Variants in INPP4B observed in about 807,000 individuals in gnomAD.
INPP4B encodes inositol polyphosphate-4-phosphatase type II B.
In INPP4B, 55 loss-of-function variants were observed where a neutral mutation model predicts 122.5. The observed-to-expected ratio is 0.45, with a 90% confidence interval of 0.36 to 0.56. The LOEUF is 0.56. Ranked by LOEUF, INPP4B falls within the 20% of genes least tolerant of loss-of-function variation. The probability of loss-of-function intolerance (pLI) is 0.00; values close to 1 mark genes in which losing one functional copy is unlikely to be tolerated. For synonymous variants in INPP4B, 403 were observed against 388.7 expected, an observed-to-expected ratio of 1.04 and a Z score of -0.43; for missense variants, 1,000 against 1,097.7, an observed-to-expected ratio of 0.91 and a Z score of 1.26.
chr4:142,314,141 C>T (rs1189394879), intron 8 of INPP4B, among the ~76,000 whole-genome samples: 1 of 152,136 alleles, frequency 6.6e-6, no homozygotes, highest in Non-Finnish European at 1.5e-5. Context: ...TTAGGAGCTG[C>T]CACCGCCTAC....
intron 1 of INPP4B, among the ~76,000 whole-genome samples, chr4:142,732,331 T>C (rs568630858): frequency 6.6e-6 from 1 of 152,006 alleles, no homozygotes; most frequent in South Asian, 2.1e-4. Context: ...AATATTATTA[T>C]TCAATTAATA....
chr4:142,618,680 T>C (rs553291321), intron 2 of INPP4B, among the ~76,000 whole-genome samples: 196 of 152,224 alleles, frequency 1.3e-3, no homozygotes, highest in Non-Finnish European at 2.4e-3. Context: ...TTGACAATGA[T>C]TTCTTGCATA....
chr4:142,461,404 C>T (rs550856924), intron 3 of INPP4B, among the ~76,000 whole-genome samples: 1 of 152,048 alleles, frequency 6.6e-6, no homozygotes, highest in African/African-American at 2.4e-5. Flanking sequence ...TTAAGAAAAC[C>T]AGTATTACTA....
intron 2 of INPP4B, among the ~76,000 whole-genome samples, chr4:142,514,807 T>A (rs1273235196): frequency 6.9e-6 from 1 of 144,562 alleles, no homozygotes; most frequent in Non-Finnish European, 1.5e-5. Context: ...TTTTTTTTTT[T>A]TTTTTTGAGA....
At position 142,378,422 on chromosome 4, in the gene INPP4B, T is replaced by G. The variant is rs201340739; in HGVS notation, c.372+24516A>C. On this transcript the variant is annotated intron_variant, in intron 7 of 25. Coordinates refer to ENST00000262992, the MANE Select transcript of INPP4B (RefSeq NM_001101669.3). ...TTTTCAAGTGCCTCTTACAGTCTAT[T>G]GTAATAGCTCATATCCAGTTTGGTA... 9.8e-5 allele frequency among the ~76,000 whole-genome samples: 15 copies of G among 152,296 alleles called. No individual in the cohort carries two copies. In the East Asian group the frequency reaches 2.5e-3, roughly 26 times the overall value.
intron 2 of INPP4B, among the ~76,000 whole-genome samples, chr4:142,620,724 A>C (rs1019448257): frequency 6.6e-6 from 1 of 151,732 alleles, no homozygotes; most frequent in Non-Finnish European, 1.5e-5. Context: ...ATAGAATTTT[A>C]CAACTATTTA....
intron 2 of INPP4B, among the ~76,000 whole-genome samples, chr4:142,623,614 A>G (rs564157990): frequency 6.6e-6 from 1 of 151,608 alleles, no homozygotes; most frequent in African/African-American, 2.4e-5. Context: ...CATGCGCACA[A>G]TGTGCAGGTT....
chr4:142,105,720 T>C (rs1561133321), intron 23 of INPP4B, among the ~76,000 whole-genome samples: 1 of 152,172 alleles, frequency 6.6e-6, no homozygotes, highest in East Asian at 1.9e-4. Context: ...AGTAAATTAA[T>C]AGTCAGCACA....
At chr4:142,363,567 G>A (rs990425641) in intron 7 of INPP4B, among the ~76,000 whole-genome samples, 1 of 151,926 alleles carries the variant, frequency 6.6e-6, no homozygotes, top group African/African-American at 2.4e-5. Context: ...TTTAGATATG[G>A]AAGTATTTGT....
intron 7 of INPP4B, among the ~76,000 whole-genome samples, chr4:142,372,456 CTTGAT>C (rs1170290365): frequency 1.3e-5 from 2 of 151,976 alleles, no homozygotes; most frequent in African/African-American, 4.8e-5. Flanking sequence ...TTGTAAATAC[CTTGAT>C]TTGATCATTA....
At chr4:142,333,339 C>T (rs1775409466) in intron 7 of INPP4B, among the ~76,000 whole-genome samples, 1 of 152,164 alleles carries the variant, frequency 6.6e-6, no homozygotes, top group Admixed American at 6.5e-5. Context: ...TTCATAAAAT[C>T]CTTAGGTGAT....
chr4:142,404,538 C>T (rs1282877402), intron 6 of INPP4B, among the ~76,000 whole-genome samples: 1 of 152,144 alleles, frequency 6.6e-6, no homozygotes, highest in Admixed American at 6.5e-5. Context: ...AACACAATAA[C>T]AAGTTTCCTC....
At chr4:142,605,043 AGAG>A (rs1377598562) in intron 2 of INPP4B, among the ~76,000 whole-genome samples, 1 of 152,082 alleles carries the variant, frequency 6.6e-6, no homozygotes, top group Non-Finnish European at 1.5e-5. Flanking sequence ...GGAACAGAAC[AGAG>A]GAGCCAGAAA....
intron 1 of INPP4B, among the ~76,000 whole-genome samples, chr4:142,747,348 G>A (rs975896035): frequency 3.3e-5 from 5 of 152,012 alleles, no homozygotes; most frequent in African/African-American, 4.8e-5. Context: ...TTAGAATGGC[G>A]ATCATTAAAA....
chr4:142,097,221 GTTATTTTTATTTTATT>G (rs1229103680), intron 23 of INPP4B, among the ~76,000 whole-genome samples: 6 of 75,792 alleles, frequency 7.9e-5, no homozygotes, highest in Admixed American at 2.9e-4. Context: ...TTTATTTTAT[GTTATTTTTATTTTATT>G]TTATTTTATT....
At chr4:142,043,742 C>T (rs1749632189) in intron 25 of INPP4B, among the ~76,000 whole-genome samples, 1 of 152,104 alleles carries the variant, frequency 6.6e-6, no homozygotes, top group Non-Finnish European at 1.5e-5. Flanking sequence ...TGAGATGAGG[C>T]TATGTTGTAA....
chr4:142,654,803 C>T (rs1005322442), intron 2 of INPP4B: 1 of 152,154 alleles, frequency 6.6e-6, no homozygotes, highest in Non-Finnish European at 1.5e-5. Context: ...CTGTGTTCAG[C>T]AAGGAGGTGG....
chr4:142,177,217 C>T (rs1174749066), intron 15 of INPP4B, among the ~76,000 whole-genome samples: 3 of 151,682 alleles, frequency 2.0e-5, no homozygotes, highest in African/African-American at 2.4e-5. Flanking sequence ...ATAATAAAAG[C>T]CAACGTTGGT....
intron 2 of INPP4B, among the ~76,000 whole-genome samples, chr4:142,598,369 T>G (rs1212062432): frequency 6.6e-6 from 1 of 152,178 alleles, no homozygotes; most frequent in Non-Finnish European, 1.5e-5. Context: ...CACTAGGTCA[T>G]TCACTTCCTC....
Sources: allele counts gnomAD v4.1 joint callset (sites outside exome capture counted in the v4.1 genomes callset), GRCh38; gene constraint gnomAD v4.1.1; transcripts MANE v1.5; gene names NCBI Gene and HGNC (gene_info 2026-07-23, HGNC 2026-07-21).